ZNF804A: variants seen among roughly 807,000 people sequenced by gnomAD.
ZNF804A encodes the protein zinc finger protein 804A.
Under a neutral mutation model 16.5 loss-of-function variants are expected in ZNF804A, and 2 were observed. That is an observed-to-expected ratio of 0.12 (90% CI 0.05 to 0.38). The LOEUF (loss-of-function observed/expected upper bound fraction) is 0.38. Among genes scored for constraint, ZNF804A ranks in the 10% least tolerant of loss-of-function variants. The pLI is 0.99. For synonymous variants in ZNF804A, 534 were observed against 489.6 expected, an observed-to-expected ratio of 1.09 and a Z score of -1.20; for missense variants, 1,473 against 1,390.7, an observed-to-expected ratio of 1.06 and a Z score of -0.94.
intron 1 of ZNF804A, among the ~76,000 whole-genome samples, chr2:184,617,617 T>A (rs1559109384): frequency 6.6e-6 from 1 of 151,634 alleles, no homozygotes; most frequent in Non-Finnish European, 1.5e-5. Context: ...TTTCTGGATA[T>A]ATGGAACTTT....
chr2:184,893,745 CTT>C (rs1363785443), intron 2 of ZNF804A, among the ~76,000 whole-genome samples: 6 of 151,980 alleles, frequency 3.9e-5, no homozygotes, highest in Admixed American at 2.6e-4. Context: ...TCTTCATAGA[CTT>C]TGTGAAGATC....
chr2:184,761,240 G>A (rs1694032779), intron 1 of ZNF804A, among the ~76,000 whole-genome samples: 1 of 152,080 alleles, frequency 6.6e-6, no homozygotes, highest in South Asian at 2.1e-4. Context: ...ATGCATACAG[G>A]CAAGCACAGT....
At chr2:184,798,110 T>C (rs1694666090) in intron 1 of ZNF804A, among the ~76,000 whole-genome samples, 1 of 151,410 alleles carries the variant, frequency 6.6e-6, no homozygotes, top group Non-Finnish European at 1.5e-5. Flanking sequence ...AAATCTGCTT[T>C]TAATCTGATA....
At position 184,821,498 on chromosome 2, in the gene ZNF804A, G is replaced by A. The variant is rs142287606; in HGVS notation, c.112-44871G>A. Among the ~76,000 whole-genome samples, 367 of 152,162 alleles carry A rather than the reference G, an allele frequency of 2.4e-3. 1 individual carries two copies. Among genetic ancestry groups the A allele is most frequent in the Non-Finnish European group, 4.5e-3 (303 of 68,004 alleles). On this transcript the variant is annotated intron_variant, in intron 1 of 3. Coordinates refer to ENST00000302277, the MANE Select transcript of ZNF804A (RefSeq NM_194250.2). ...CTACGCAATGCCATTCAGGATGTAGGCATAGGTAAATATTTCATGAGGAAA... is the reference window on the plus strand; with the variant it reads ...CTACGCAATGCCATTCAGGATGTAGACATAGGTAAATATTTCATGAGGAAA...
chr2:184,696,111 G>A (rs574577339), intron 1 of ZNF804A, among the ~76,000 whole-genome samples: 14 of 152,166 alleles, frequency 9.2e-5, no homozygotes, highest in Non-Finnish European at 1.9e-4. Context: ...AGCTCTTAGC[G>A]GAATATGATA....
At chr2:184,746,798 CAACATTTT>C (rs1693795975) in intron 1 of ZNF804A, among the ~76,000 whole-genome samples, 1 of 151,354 alleles carries the variant, frequency 6.6e-6, no homozygotes, top group African/African-American at 2.4e-5. Context: ...TGAGAATATG[CAACATTTT>C]TCTTTCTGTT....
At chr2:184,898,320 C>G (rs911657779) in intron 2 of ZNF804A, among the ~76,000 whole-genome samples, 4 of 152,040 alleles carry the variant, frequency 2.6e-5, no homozygotes, top group African/African-American at 9.7e-5. Flanking sequence ...GTGAATATAA[C>G]AGTGATGAAC....
chr2:184,775,631 A>T (rs941718313), intron 1 of ZNF804A, among the ~76,000 whole-genome samples: 1 of 151,670 alleles, frequency 6.6e-6, no homozygotes, highest in Non-Finnish European at 1.5e-5. Flanking sequence ...TAAACAACAA[A>T]TTGTTCTTCT....
intron 2 of ZNF804A, among the ~76,000 whole-genome samples, chr2:184,872,300 T>C (rs973461893): frequency 2.6e-5 from 4 of 152,090 alleles, no homozygotes; most frequent in Non-Finnish European, 2.9e-5. Flanking sequence ...AAAACAAGAA[T>C]GCCACTATTC....
At chr2:184,695,513 T>G (rs936799906) in intron 1 of ZNF804A, among the ~76,000 whole-genome samples, 1 of 150,812 alleles carries the variant, frequency 6.6e-6, no homozygotes, top group Non-Finnish European at 1.5e-5. Flanking sequence ...TTAAACTTTT[T>G]TTAAGAGACA....
intron 2 of ZNF804A, among the ~76,000 whole-genome samples, chr2:184,869,626 A>AT (rs1029293336): frequency 2.0e-5 from 3 of 151,984 alleles, no homozygotes; most frequent in East Asian, 3.9e-4. Context: ...TACTTACTAA[A>AT]TTTTTTTTCT....
chr2:184,604,436 T>C (rs375366513), intron 1 of ZNF804A, among the ~76,000 whole-genome samples: 21 of 151,948 alleles, frequency 1.4e-4, no homozygotes, highest in African/African-American at 4.8e-4. Context: ...GCCTCCCAAA[T>C]TGCTGGGATT....
At chr2:184,677,606 G>A (rs1159009479) in intron 1 of ZNF804A, among the ~76,000 whole-genome samples, 1 of 151,822 alleles carries the variant, frequency 6.6e-6, no homozygotes, top group African/African-American at 2.4e-5. Context: ...TAACATCAAG[G>A]TATTAAAAGT....
intron 1 of ZNF804A, among the ~76,000 whole-genome samples, chr2:184,810,717 C>T (rs1305360304): frequency 1.3e-5 from 2 of 152,006 alleles, no homozygotes; most frequent in Non-Finnish European, 2.9e-5. Flanking sequence ...GTCTCGATCT[C>T]CTGACCTCGT....
At chr2:184,764,966 C>A (rs1276253129) in intron 1 of ZNF804A, among the ~76,000 whole-genome samples, 1 of 151,954 alleles carries the variant, frequency 6.6e-6, no homozygotes, top group Admixed American at 6.6e-5. Flanking sequence ...CAAAAAAAAA[C>A]TATTTTTTTA....
At chr2:184,751,318 C>A (rs1693874110) in intron 1 of ZNF804A, among the ~76,000 whole-genome samples, 1 of 151,262 alleles carries the variant, frequency 6.6e-6, no homozygotes, top group Non-Finnish European at 1.5e-5. Flanking sequence ...ACTGGATATC[C>A]ACATGCAAAA....
intron 1 of ZNF804A, among the ~76,000 whole-genome samples, chr2:184,817,197 C>T (rs1381803343): frequency 6.6e-6 from 1 of 151,948 alleles, no homozygotes; most frequent in Non-Finnish European, 1.5e-5. Flanking sequence ...GAGAAAGGAG[C>T]AGGCTGTCAT....
chr2:184,703,395 A>C (rs1692959635), intron 1 of ZNF804A, among the ~76,000 whole-genome samples: 1 of 152,154 alleles, frequency 6.6e-6, no homozygotes, highest in Non-Finnish European at 1.5e-5. Context: ...ATAGTTAATA[A>C]TCATTGAAAT....
intron 1 of ZNF804A, among the ~76,000 whole-genome samples, chr2:184,713,172 T>A (rs1693157015): frequency 6.6e-6 from 1 of 151,818 alleles, no homozygotes; most frequent in Non-Finnish European, 1.5e-5. Context: ...GTAAAGGACC[T>A]TAACCAATCA....
Sources: allele counts gnomAD v4.1 joint callset (sites outside exome capture counted in the v4.1 genomes callset), GRCh38; gene constraint gnomAD v4.1.1; transcripts MANE v1.5; gene names NCBI Gene and HGNC (gene_info 2026-07-23, HGNC 2026-07-21).